KATNIP: variants seen among roughly 807,000 people sequenced by gnomAD.
KATNIP encodes katanin-interacting protein.
KATNIP carries 126 observed loss-of-function variants against 174.0 expected under a neutral mutation model. That is an observed-to-expected ratio of 0.72 (90% CI 0.63 to 0.84). KATNIP has a LOEUF of 0.84. KATNIP is among the 40% of genes least tolerant of loss of function. The pLI is 0.00. For synonymous variants in KATNIP, 810 were observed against 835.7 expected, an observed-to-expected ratio of 0.97 and a Z score of 0.53; for missense variants, 1,958 against 2,109.7, an observed-to-expected ratio of 0.93 and a Z score of 1.41.
intron 3 of KATNIP, among the ~76,000 whole-genome samples, chr16:27,619,411 G>C (rs2076133099): frequency 6.6e-6 from 1 of 152,328 alleles, no homozygotes; most frequent in South Asian, 2.1e-4. Context: ...CAGGCCCACA[G>C]AACTGGTGGG....
intron 5 of KATNIP, among the ~76,000 whole-genome samples, chr16:27,638,856 T>TTTTTTA (rs2076713985): frequency 1.3e-5 from 2 of 149,630 alleles, no homozygotes; most frequent in African/African-American, 4.9e-5. Flanking sequence ...TTTTTTTTTT[T>TTTTTTA]GAGACAGGTT....
chr16:27,731,292 C>G (rs540267249), intron 14 of KATNIP, among the ~76,000 whole-genome samples: 34 of 152,346 alleles, frequency 2.2e-4, no homozygotes, highest in African/African-American at 7.9e-4. Flanking sequence ...GGGATTGCCG[C>G]ACTGGGCCCT....
chr16:27,663,791 G>T (rs2077600133), intron 6 of KATNIP, among the ~76,000 whole-genome samples: 2 of 148,282 alleles, frequency 1.3e-5, no homozygotes, highest in Admixed American at 6.8e-5. Flanking sequence ...AGTTTAGGGT[G>T]TTTTTTTTTT....
intron 13 of KATNIP, among the ~76,000 whole-genome samples, chr16:27,717,869 C>T (rs1298576974): frequency 6.6e-6 from 1 of 152,136 alleles, no homozygotes; most frequent in Non-Finnish European, 1.5e-5. Context: ...AACTCCCGGG[C>T]CCCATTGGTG....
At chr16:27,686,646 T>C (rs2078536532) in intron 8 of KATNIP, among the ~76,000 whole-genome samples, 1 of 152,194 alleles carries the variant, frequency 6.6e-6, no homozygotes, top group South Asian at 2.1e-4. Flanking sequence ...GTTTTTCCTG[T>C]TTTATGTTTC....
rs544844937 is a variant in KATNIP at position 27,778,210 on chromosome 16, T to C, written c.4801+241T>C. The stretch of plus-strand genomic sequence containing the variant: ...TGGAGCTTCCTGAATCTAAGTGTCG[T>C]GGGCACAGAGTGGGGAAGCAGTCAG... On this transcript the variant is annotated intron_variant, in intron 27 of 27. Coordinates refer to ENST00000261588, the MANE Select transcript of KATNIP (RefSeq NM_015202.5). Among the ~76,000 whole-genome samples, 4 of 152,300 alleles carry C rather than the reference T, an allele frequency of 2.6e-5. No individual in the cohort carries two copies. The East Asian group carries it at 5.8e-4, about 22-fold the overall frequency.
At chr16:27,673,723 G>A (rs2078007036) in intron 6 of KATNIP, among the ~76,000 whole-genome samples, 1 of 152,172 alleles carries the variant, frequency 6.6e-6, no homozygotes, top group South Asian at 2.1e-4. Context: ...TGGGTGGGGG[G>A]ACAAAATTAG....
At chr16:27,671,513 G>A (rs1041850351) in intron 6 of KATNIP, among the ~76,000 whole-genome samples, 2 of 152,136 alleles carry the variant, frequency 1.3e-5, no homozygotes, top group African/African-American at 2.4e-5. Context: ...AACGATCTTT[G>A]TGTACTTAGG....
rs147676062 is a variant in KATNIP, at chr16:27,646,657, G to A, written c.409-1947G>A. Among the ~76,000 whole-genome samples, 329 of 152,340 alleles carry A rather than the reference G, an allele frequency of 2.2e-3. 2 individuals are homozygous for A. Among genetic ancestry groups the A allele is most frequent in the African/African-American group, 7.5e-3 (312 of 41,568 alleles). On this transcript the variant is annotated intron_variant, in intron 5 of 27. Coordinates refer to ENST00000261588, the MANE Select transcript of KATNIP (RefSeq NM_015202.5). The stretch of plus-strand genomic sequence containing the variant: ...TGTGGTTGTCTGTGCAGCAATCAGG[G>A]CAAGAAGGTGGGCTGTGGCCACATG...
intron 19 of KATNIP, among the ~76,000 whole-genome samples, chr16:27,765,236 C>T (rs1040434986): frequency 1.3e-5 from 2 of 152,278 alleles, no homozygotes; most frequent in South Asian, 2.1e-4. Context: ...GCCAGAGCCA[C>T]GAGGACAAGG....
intron 5 of KATNIP, among the ~76,000 whole-genome samples, chr16:27,644,080 G>A (rs1157783075): frequency 6.7e-6 from 1 of 149,472 alleles, no homozygotes; most frequent in African/African-American, 2.5e-5. Flanking sequence ...GGAGTGCAGA[G>A]GTGCGATCTC....
chr16:27,755,253 C>T (rs2081674553), intron 18 of KATNIP: 2 of 152,330 alleles, frequency 1.3e-5, no homozygotes, highest in South Asian at 4.1e-4. Flanking sequence ...CCTTCCGGGA[C>T]CTCCCCATGC....
rs1282810897 is a variant in KATNIP, at chr16:27,713,745, T to TTA, written c.1605+4833_1605+4834dup. ...TGTGTGTATTATATACACATACATA[T>TTA]TATATATATGTGTGTGTATATGTAT... On this transcript the variant is annotated intron_variant, in intron 13 of 27. Coordinates refer to ENST00000261588, the MANE Select transcript of KATNIP (RefSeq NM_015202.5). 4.5e-4 allele frequency among the ~76,000 whole-genome samples: 23 copies of TTA among 51,474 alleles called. 2 individuals carry two copies. The highest frequency in any genetic ancestry group is 3.9e-3 in the East Asian group (7 of 1,794). 33.8% of individuals were successfully genotyped at this position (51,474 alleles called of 152,430 possible). A position where few individuals can be genotyped will look rare whatever the true frequency, so the allele number is the denominator to read the frequency against.
chr16:27,751,982 T>C, intron 17 of KATNIP, 58 bp downstream of exon 17: 1 of 1,398,576 alleles, frequency 7.2e-7, no homozygotes, highest in African/African-American at 1.4e-5. Flanking sequence ...TTCCCCTAAC[T>C]CAGAGTAGAG....
intron 14 of KATNIP, among the ~76,000 whole-genome samples, chr16:27,730,717 G>A (rs189003335): frequency 5.4e-4 from 82 of 152,258 alleles, no homozygotes; most frequent in African/African-American, 1.9e-3. Context: ...CCCTTGTGGG[G>A]GTCTCCAGTG....
intron 6 of KATNIP, among the ~76,000 whole-genome samples, chr16:27,655,722 T>C (rs1021256720): frequency 6.6e-6 from 1 of 152,188 alleles, no homozygotes; most frequent in African/African-American, 2.4e-5. Context: ...TCCCATGTTA[T>C]GGTTTGAGGA....
chr16:27,691,932 C>T (rs74019419), intron 8 of KATNIP, among the ~76,000 whole-genome samples: 2,748 of 152,244 alleles, frequency 0.018, 61 homozygotes, highest in East Asian at 0.089. Context: ...ACAGATCATC[C>T]CGCCTGCTCA....
At chr16:27,658,813 A>T (rs2077376223) in intron 6 of KATNIP, among the ~76,000 whole-genome samples, 1 of 152,122 alleles carries the variant, frequency 6.6e-6, no homozygotes, top group Admixed American at 6.5e-5. Flanking sequence ...CCCAGGCTGG[A>T]GTGCAGTGGC....
chr16:27,661,564 G>C (rs2077474182), intron 6 of KATNIP, among the ~76,000 whole-genome samples: 2 of 151,358 alleles, frequency 1.3e-5, no homozygotes, highest in African/African-American at 4.9e-5. Flanking sequence ...GCTAATTTTT[G>C]TATTTTTAGT....
Sources: allele counts gnomAD v4.1 joint callset (sites outside exome capture counted in the v4.1 genomes callset), GRCh38; gene constraint gnomAD v4.1.1; transcripts MANE v1.5; gene names NCBI Gene and HGNC (gene_info 2026-07-23, HGNC 2026-07-21).